The following MEAK7 variants were observed in gnomAD, a reference collection of about 807,000 sequenced individuals.
The protein encoded by MEAK7 is MTOR-associated protein MEAK7.
In MEAK7, 68 loss-of-function variants were observed where a neutral mutation model predicts 40.5. That is an observed-to-expected ratio of 1.68 (90% CI 1.38 to 2.06). MEAK7 has a LOEUF of 2.06. Among genes scored for constraint, MEAK7 ranks in the 30% most tolerant of loss-of-function variants. The probability of loss-of-function intolerance (pLI) is 0.00; values close to 1 mark genes in which losing one functional copy is unlikely to be tolerated. For synonymous variants in MEAK7, 338 were observed against 231.9 expected (o/e 1.46, Z -4.16); for missense variants, 918 against 580.5 (o/e 1.58, Z -5.98).
chr16:84,479,935 C>T lies in MEAK7; in HGVS notation c.1349G>A (p.Arg450Gln), dbSNP rs190726637. The change falls in exon 8 of 8, where the codon CGG becomes CAG. Residue 450 changes from arginine (R) to glutamine (Q), a missense_variant. Coordinates refer to ENST00000343629, the MANE Select transcript of MEAK7 (RefSeq NM_020947.4). ...TCCTCATTCATCGTCCGGGACTTCCCGGAGCCCTTCGCTGTGGCGCGAATG... is the reference window on the plus strand; with the variant it reads ...TCCTCATTCATCGTCCGGGACTTCCTGGAGCCCTTCGCTGTGGCGCGAATG... Reference protein sequence around the residue: ...SGHSRHSEGLREVPDDE With the variant: ...SGHSRHSEGLQEVPDDE The T allele has an allele frequency of 2.9e-5, 47 of 1,609,084 alleles. No homozygotes were observed. The highest frequency in any genetic ancestry group is 6.7e-5 in the East Asian group (3 of 44,756).
chr16:84,486,204 C>T (rs1053106177), intron 5 of MEAK7: 1 of 164,022 alleles, frequency 6.1e-6, no homozygotes, highest in Admixed American at 5.7e-5. Flanking sequence ...TACTTAGAAC[C>T]TTTCATCCAG....
At chr16:84,500,230 G>A (rs1597971458) in intron 1 of MEAK7, among the ~76,000 whole-genome samples, 1 of 152,158 alleles carries the variant, frequency 6.6e-6, no homozygotes, top group Non-Finnish European at 1.5e-5. Context: ...GGACACTGGG[G>A]CTGTTTCCAC....
chr16:84,498,761 T>C (rs1405055148), intron 1 of MEAK7, among the ~76,000 whole-genome samples: 1 of 152,150 alleles, frequency 6.6e-6, no homozygotes, highest in Non-Finnish European at 1.5e-5. Flanking sequence ...AATCTAAATA[T>C]TCATTCTTTA....
chr16:84,480,757 C>A, intron 6 of MEAK7, 49 bp from the exon 7 acceptor site: 3 of 1,540,526 alleles, frequency 1.9e-6, no homozygotes, highest in Non-Finnish European at 2.6e-6. Flanking sequence ...TCCTCAGGGT[C>A]TGTGGACATC....
At chr16:84,500,179 G>A (rs1373633526) in intron 1 of MEAK7, 1 of 152,178 alleles carries the variant, frequency 6.6e-6, no homozygotes, top group East Asian at 1.9e-4. Context: ...GTATTTTGTT[G>A]TATGGATGGA....
At chr16:84,483,117 C>T (rs946376884) in intron 5 of MEAK7, among the ~76,000 whole-genome samples, 14 of 152,216 alleles carry the variant, frequency 9.2e-5, no homozygotes, top group Admixed American at 8.5e-4. Flanking sequence ...AGGCAAGTGA[C>T]GCTGCGTAGT....
At chr16:84,500,084 G>T (rs1396907430) in intron 1 of MEAK7, 1 of 152,180 alleles carries the variant, frequency 6.6e-6, no homozygotes. Flanking sequence ...TTTTGTGATT[G>T]TCTCTTTTCA....
intron 1 of MEAK7, among the ~76,000 whole-genome samples, chr16:84,501,332 G>T (rs115941993): frequency 9.2e-5 from 14 of 152,016 alleles, no homozygotes; most frequent in Non-Finnish European, 1.9e-4. Flanking sequence ...CAGGGCACGT[G>T]GGGGAGGGCA....
At chr16:84,490,654 A>ATATG (rs1555513463) in intron 3 of MEAK7, among the ~76,000 whole-genome samples, 1 of 137,532 alleles carries the variant, frequency 7.3e-6, no homozygotes, top group African/African-American at 2.8e-5. Flanking sequence ...GCTAATCAAG[A>ATATG]TGTGTGTGTG....
In MEAK7 at chr16:84,497,971, T is replaced by C. The variant is rs138181203; in HGVS notation, c.116A>G (p.Asn39Ser). Residue 39 changes from asparagine (N) to serine (S), a missense_variant, in exon 2 of 8, where the codon AAT becomes AGT. Transcript: ENST00000343629. ...CAGAGAGAAGGATTTGGATGAGACA[T>C]TCGGGCTGTTTTTATCTGATGACAG... ...DALSSDKNSPNVSSKSFSLKA... is the reference protein window; with the variant it reads ...DALSSDKNSPSVSSKSFSLKA... The C allele has an allele frequency of 5.6e-4, 898 of 1,614,200 alleles. 6 individuals carry two copies. The African/African-American group carries it at 9.7e-3, about 17-fold the overall frequency.
At chr16:84,497,499 C>G (rs1443133788) in intron 2 of MEAK7, 1 of 1,290,452 alleles carries the variant, frequency 7.7e-7, no homozygotes, top group Non-Finnish European at 1.0e-6. Context: ...ATCACCGCGT[C>G]TGTCTCCCCA....
In MEAK7 at chr16:84,486,824, G is replaced by A. The variant is rs760675402; in HGVS notation, c.765C>T (p.Asn255=). 3.2e-5 allele frequency: 52 copies of A among 1,613,896 alleles called. No homozygotes were observed. Among genetic ancestry groups the A allele is most frequent in the East Asian group, 1.3e-4 (6 of 44,892 alleles). The change falls in exon 5 of 8, where the codon AAC becomes AAT. Residue 255 remains asparagine (N), a synonymous_variant. Transcript: ENST00000343629. ...GCCGCTGCTCCCGAGGCAGCTGGGC[G>A]TTGATGTACATGACAGAGAGGACAT... ...ILDVLSVMYI[N]AQLPREQRHR...
chr16:84,502,482 C>T (rs1914585315), intron 1 of MEAK7, among the ~76,000 whole-genome samples: 2 of 152,008 alleles, frequency 1.3e-5, no homozygotes, highest in Non-Finnish European at 2.9e-5. Context: ...CAAGGGAACC[C>T]ACAGAAGTCT....
chr16:84,481,831 G>A (rs901963984), intron 6 of MEAK7, among the ~76,000 whole-genome samples: 2 of 152,172 alleles, frequency 1.3e-5, no homozygotes, highest in Admixed American at 6.5e-5. Context: ...CTACTTGGGA[G>A]GCTGAGGCAG....
At chr16:84,497,801 T>C in intron 2 of MEAK7, 133 bp downstream of exon 2, 1 of 1,413,256 alleles carries the variant, frequency 7.1e-7, no homozygotes. Context: ...CATCTGGCCC[T>C]TTACAGAAAA....
intron 5 of MEAK7, 133 bp downstream of exon 5, chr16:84,486,498 C>A: frequency 1.4e-6 from 2 of 1,440,444 alleles, no homozygotes; most frequent in East Asian, 2.5e-5. Context: ...ATTTTCCTAT[C>A]GCCCCGACTG....
chr16:84,501,657 G>C (rs944957333), intron 1 of MEAK7, among the ~76,000 whole-genome samples: 1 of 152,112 alleles, frequency 6.6e-6, no homozygotes, highest in Non-Finnish European at 1.5e-5. Context: ...AAGCAGGAGA[G>C]AGGAGGTTGC....
chr16:84,496,417 C>T (rs897127886), intron 2 of MEAK7, among the ~76,000 whole-genome samples: 1 of 152,136 alleles, frequency 6.6e-6, no homozygotes, highest in African/African-American at 2.4e-5. Context: ...TTTGGAGCTA[C>T]CCCTCCCTCC....
At chr16:84,487,649 G>A (rs1030206806) in intron 4 of MEAK7, 1 of 153,582 alleles carries the variant, frequency 6.5e-6, no homozygotes, top group African/African-American at 2.4e-5. Flanking sequence ...GGGAAGTGCG[G>A]GTTTCATTCG....
Sources: allele counts gnomAD v4.1 joint callset (sites outside exome capture counted in the v4.1 genomes callset), GRCh38; gene constraint gnomAD v4.1.1; transcripts MANE v1.5; gene names NCBI Gene and HGNC (gene_info 2026-07-23, HGNC 2026-07-21).